SLC44A5: variants seen among roughly 807,000 people sequenced by gnomAD.
The protein encoded by SLC44A5 is solute carrier family 44 member 5, also known as choline transporter-like protein 5.
SLC44A5 carries 57 observed loss-of-function variants against 101.8 expected under a neutral mutation model. The observed-to-expected ratio is 0.56, with a 90% CI of 0.45 to 0.70. The LOEUF is 0.70. Among genes scored for constraint, SLC44A5 ranks in the 30% least tolerant of loss-of-function variants. SLC44A5 has a pLI of 0.00. For synonymous variants in SLC44A5, 281 were observed against 290.9 expected (o/e 0.97, Z 0.35); for missense variants, 737 against 853.1 (o/e 0.86, Z 1.70).
At chr1:75,312,243 A>T (rs1655362088) in intron 4 of SLC44A5, among the ~76,000 whole-genome samples, 1 of 152,112 alleles carries the variant, frequency 6.6e-6, no homozygotes, top group Non-Finnish European at 1.5e-5. Context: ...TGTGGAACGG[A>T]GTCAATTAAA....
intron 3 of SLC44A5, chr1:75,357,184 T>A (rs941835331): frequency 6.6e-6 from 3 of 455,758 alleles, no homozygotes; most frequent in African/African-American, 6.0e-5. Flanking sequence ...AGAATTAACG[T>A]TATGCCTTTT....
chr1:75,315,217 C>G (rs767449575), intron 4 of SLC44A5, among the ~76,000 whole-genome samples: 33 of 152,090 alleles, frequency 2.2e-4, no homozygotes, highest in Non-Finnish European at 4.1e-4. Context: ...AAAACTGAAA[C>G]TTTGACATGG....
chr1:75,368,643 G>GCACACA (rs10598515), intron 3 of SLC44A5, among the ~76,000 whole-genome samples: 3,236 of 144,068 alleles, frequency 0.022, 94 homozygotes, highest in African/African-American at 0.069. Context: ...AAATGTGCAT[G>GCACACA]CACACACACA....
chr1:75,405,895 A>AC (rs1471308676), intron 2 of SLC44A5, among the ~76,000 whole-genome samples: 21 of 136,888 alleles, frequency 1.5e-4, no homozygotes, highest in African/African-American at 3.4e-4. Context: ...AAAAAAAAAA[A>AC]ACCCTTTAAA....
chr1:75,684,333 C>A, the SLC44A5 span, among the ~76,000 whole-genome samples: 2 of 152,170 alleles, frequency 1.3e-5, no homozygotes, highest in African/African-American at 4.8e-5. Context: ...CATGTACTCA[C>A]ATTTCAAAGC....
At chr1:75,658,734 C>A in the SLC44A5 span, among the ~76,000 whole-genome samples, 1 of 151,800 alleles carries the variant, frequency 6.6e-6, no homozygotes, top group Non-Finnish European at 1.5e-5. Flanking sequence ...AAAGCAAGAA[C>A]AAACAAACCC....
At position 75,556,501 on chromosome 1, in the gene SLC44A5, A is replaced by T. The variant is rs140928962; in HGVS notation, c.-69-14985T>A. ...GCCCCCACTGAGTGTTTACTCTGAG[A>T]CAGGCACTTTGTTAAGTCACTCACT... On this transcript the variant is annotated intron_variant, in intron 1 of 23. Transcript: ENST00000370859. Among the ~76,000 whole-genome samples the T allele has an allele frequency of 8.7e-3, 1,321 of 152,238 alleles. 19 individuals carry two copies. The highest frequency in any genetic ancestry group is 0.03 in the African/African-American group (1,253 of 41,566).
chr1:75,425,073 T>C (rs1470047378), intron 2 of SLC44A5, among the ~76,000 whole-genome samples: 2 of 152,252 alleles, frequency 1.3e-5, no homozygotes, highest in African/African-American at 4.8e-5. Flanking sequence ...GTTAAAATGT[T>C]ATCTTCATTT....
intron 2 of SLC44A5, among the ~76,000 whole-genome samples, chr1:75,411,289 C>A (rs1245399995): frequency 6.6e-6 from 1 of 151,964 alleles, no homozygotes; most frequent in Non-Finnish European, 1.5e-5. Flanking sequence ...GCTAAATATG[C>A]CCCATGAAGT....
intron 12 of SLC44A5, among the ~76,000 whole-genome samples, chr1:75,232,796 T>C (rs143428992): frequency 6.6e-6 from 1 of 152,128 alleles, no homozygotes; most frequent in Non-Finnish European, 1.5e-5. Context: ...GAATACCAGG[T>C]CTTTTAACCA....
At position 75,242,997 on chromosome 1, in the gene SLC44A5, C is replaced by T; in HGVS notation, c.360G>A (p.Lys120=). ...CATAGGTTAAAAATTTTTCTGGGCA[C>T]TTGGAGACACAGATCTGTGAACGAA... ...QCPTTQICVS[K]CPEKFLTYVE... The change falls in exon 8 of 24, where the codon AAG becomes AAA. Residue 120 remains lysine (K), a synonymous_variant. Coordinates refer to ENST00000370859, the MANE Select transcript of SLC44A5 (RefSeq NM_001130058.2). 1 of 1,611,668 alleles carries T rather than the reference C, an allele frequency of 6.2e-7. No homozygotes were observed. The highest frequency in any genetic ancestry group is 8.5e-7 in the Non-Finnish European group (1 of 1,178,852).
chr1:75,276,756 GGT>G (rs1200688062), intron 5 of SLC44A5, among the ~76,000 whole-genome samples: 1 of 152,170 alleles, frequency 6.6e-6, no homozygotes, highest in African/African-American at 2.4e-5. Context: ...TTATCTGGGA[GGT>G]GATTCCAGGA....
At chr1:75,590,880 G>A (rs536300657) in intron 1 of SLC44A5, among the ~76,000 whole-genome samples, 18 of 152,242 alleles carry the variant, frequency 1.2e-4, no homozygotes, top group South Asian at 8.3e-4. Flanking sequence ...AGGGGACCCC[G>A]CTACCCTGAA....
At chr1:75,527,378 A>G (rs906776490) in intron 2 of SLC44A5, among the ~76,000 whole-genome samples, 3 of 151,256 alleles carry the variant, frequency 2.0e-5, no homozygotes, top group East Asian at 2.0e-4. Flanking sequence ...CAGGACTTCT[A>G]CATATCCTCC....
intron 1 of SLC44A5, among the ~76,000 whole-genome samples, chr1:75,603,882 T>A (rs1483266662): frequency 2.0e-5 from 3 of 151,788 alleles, no homozygotes; most frequent in Non-Finnish European, 4.4e-5. Flanking sequence ...ACTTGTTCAA[T>A]TGTTTAAGTT....
intron 3 of SLC44A5, among the ~76,000 whole-genome samples, chr1:75,386,832 A>G (rs1661391020): frequency 1.3e-5 from 2 of 152,168 alleles, no homozygotes; most frequent in South Asian, 4.2e-4. Flanking sequence ...ACAGTAAGCA[A>G]AACAGCATGG....
intron 3 of SLC44A5, among the ~76,000 whole-genome samples, chr1:75,345,063 T>C (rs1658148998): frequency 6.6e-6 from 1 of 152,170 alleles, no homozygotes; most frequent in African/African-American, 2.4e-5. Flanking sequence ...ATATTTAATT[T>C]AGATTATGAA....
chr1:75,716,698 C>T, the SLC44A5 span, among the ~76,000 whole-genome samples: 46 of 152,202 alleles, frequency 3.0e-4, no homozygotes, highest in African/African-American at 9.4e-4. Context: ...AGAAAAGACA[C>T]GGAGTCAACC....
chr1:75,259,735 C>T lies in SLC44A5; in HGVS notation c.261-8441G>A, dbSNP rs148647255. ...CCACAAGACACACAATCATCAGATT[C>T]ACCAAGGTTGAAATAAAGGAAAAAA... On this transcript the variant is annotated intron_variant, in intron 6 of 23. Coordinates refer to ENST00000370859, the MANE Select transcript of SLC44A5 (RefSeq NM_001130058.2). 5.5e-3 allele frequency among the ~76,000 whole-genome samples: 836 copies of T among 152,198 alleles called. 12 individuals are homozygous for T. Among genetic ancestry groups the T allele is most frequent in the African/African-American group, 0.02 (809 of 41,484 alleles).
Sources: allele counts gnomAD v4.1 joint callset (sites outside exome capture counted in the v4.1 genomes callset), GRCh38; gene constraint gnomAD v4.1.1; transcripts MANE v1.5; gene names NCBI Gene and HGNC (gene_info 2026-07-23, HGNC 2026-07-21).